The following CTNND2 variants were observed in gnomAD, a reference collection of about 807,000 sequenced individuals.
CTNND2 encodes the protein catenin delta 2, also known as catenin delta-2.
In CTNND2, 22 loss-of-function variants were observed where a neutral mutation model predicts 144.4. That is an observed-to-expected ratio of 0.15 (90% CI 0.11 to 0.22). The LOEUF (loss-of-function observed/expected upper bound fraction) is 0.22, where lower values mean the gene tolerates loss of function less well. CTNND2 is among the 10% of genes least tolerant of loss of function. CTNND2 has a pLI of 1.00. For synonymous variants in CTNND2, 751 were observed against 695.6 expected, an observed-to-expected ratio of 1.08 and a Z score of -1.25; for missense variants, 1,353 against 1,618.8, an observed-to-expected ratio of 0.84 and a Z score of 2.82.
At chr5:11,315,138 G>T (rs114598651) in intron 9 of CTNND2, among the ~76,000 whole-genome samples, 14 of 152,154 alleles carry the variant, frequency 9.2e-5, no homozygotes, top group African/African-American at 3.4e-4. Context: ...AGTAGCAGAG[G>T]GTTCACCAGG....
rs181259259 is a variant in CTNND2, at chr5:11,568,736, T to C, written c.175-3680A>G. ...GTAAATGGAAAGATGACATTATCCA[T>C]CTCTAACACAGTTTGGGGTTTGAGG... On this transcript the variant is annotated intron_variant, in intron 2 of 21. Coordinates refer to ENST00000304623, the MANE Select transcript of CTNND2 (RefSeq NM_001332.4). Among the ~76,000 whole-genome samples the C allele has an allele frequency of 2.8e-3, 429 of 152,278 alleles. 7 individuals carry two copies. Among genetic ancestry groups the C allele is most frequent in the Non-Finnish European group, 5.0e-4 (34 of 68,016 alleles).
chr5:10,987,014 G>A (rs1338335976), intron 20 of CTNND2, among the ~76,000 whole-genome samples: 3 of 152,268 alleles, frequency 2.0e-5, no homozygotes, highest in Middle Eastern at 3.4e-3. Flanking sequence ...CGCCCTTTGC[G>A]CCCCAGCTTT....
intron 1 of CTNND2, among the ~76,000 whole-genome samples, chr5:11,878,638 A>T (rs1372562923): frequency 6.6e-6 from 1 of 152,136 alleles, no homozygotes; most frequent in African/African-American, 2.4e-5. Flanking sequence ...GCAGTGTAAG[A>T]TCCACTGACC....
chr5:11,431,712 C>A (rs1159578866), intron 3 of CTNND2, among the ~76,000 whole-genome samples: 3 of 152,126 alleles, frequency 2.0e-5, no homozygotes, highest in African/African-American at 7.2e-5. Context: ...TTCCTCTGAG[C>A]CCTGCCCCTA....
At position 11,376,698 on chromosome 5, in the gene CTNND2, G is replaced by T. The variant is rs900354793; in HGVS notation, c.1177+7967C>A. 3.3e-5 allele frequency among the ~76,000 whole-genome samples: 5 copies of T among 152,306 alleles called. 1 individual carries two copies. Among genetic ancestry groups the T allele is most frequent in the East Asian group, 3.9e-4 (2 of 5,180 alleles). On this transcript the variant is annotated intron_variant, in intron 7 of 21. Transcript: ENST00000304623. ...CAGCATCTATAACAGAAGTCTAGAA[G>T]TTTCTTCAAGAGAACACCTCTCAGA...
intron 7 of CTNND2, among the ~76,000 whole-genome samples, chr5:11,373,218 G>T (rs1757620309): frequency 6.6e-6 from 1 of 152,208 alleles, no homozygotes. Context: ...GTCACTTCTA[G>T]TGGGGAAAGA....
At chr5:11,541,750 C>T (rs563836825) in intron 3 of CTNND2, among the ~76,000 whole-genome samples, 2 of 151,978 alleles carry the variant, frequency 1.3e-5, no homozygotes, top group African/African-American at 4.8e-5. Flanking sequence ...AATCCAAATG[C>T]ATATCAGACC....
chr5:11,102,317 A>C (rs1751981089), intron 14 of CTNND2, among the ~76,000 whole-genome samples: 1 of 152,060 alleles, frequency 6.6e-6, no homozygotes, highest in Non-Finnish European at 1.5e-5. Flanking sequence ...GTAATACTGA[A>C]CCTCCTCTTA....
At position 11,747,100 on chromosome 5, in the gene CTNND2, T is replaced by C. The variant is rs531280009; in HGVS notation, c.38-14828A>G. Among the ~76,000 whole-genome samples the C allele has an allele frequency of 5.3e-5, 8 of 152,292 alleles. No homozygotes were observed. In the East Asian group the frequency reaches 9.6e-4, roughly 18 times the overall value. ...TAATCATAATAAGTTCTAGGGTTCA[T>C]CTCTACTACAAATTAGATAGTGACA... On this transcript the variant is annotated intron_variant, in intron 1 of 21. Coordinates refer to ENST00000304623, the MANE Select transcript of CTNND2 (RefSeq NM_001332.4).
Position 11,824,282 on chromosome 5 carries a change from C to T in CTNND2, c.37+79535G>A, listed in dbSNP as rs867359553. Among the ~76,000 whole-genome samples the T allele has an allele frequency of 5.3e-5, 8 of 152,132 alleles. No homozygotes were observed. In the South Asian group the frequency reaches 1.2e-3, roughly 24 times the overall value. On this transcript the variant is annotated intron_variant, in intron 1 of 21. Transcript: ENST00000304623. ...CATTTTATAAACATCCATAGTATTACGTCAAAAATTCAATCAACAAGTGTA... is the reference window on the plus strand; with the variant it reads ...CATTTTATAAACATCCATAGTATTATGTCAAAAATTCAATCAACAAGTGTA...
chr5:11,534,189 T>C (rs182607179), intron 3 of CTNND2, among the ~76,000 whole-genome samples: 7 of 152,262 alleles, frequency 4.6e-5, no homozygotes, highest in East Asian at 1.9e-4. Flanking sequence ...TGCAGAAAAA[T>C]TGAAAACCCC....
chr5:11,677,668 G>C (rs1784236832), intron 2 of CTNND2, among the ~76,000 whole-genome samples: 2 of 152,124 alleles, frequency 1.3e-5, no homozygotes, highest in South Asian at 4.1e-4. Flanking sequence ...GAGTTAAAAA[G>C]GGTACACAAT....
intron 11 of CTNND2, among the ~76,000 whole-genome samples, chr5:11,178,496 G>A (rs1463883005): frequency 6.6e-6 from 1 of 152,178 alleles, no homozygotes; most frequent in Admixed American, 6.5e-5. Flanking sequence ...GGTTAATGTA[G>A]GTGATAGAGA....
At chr5:11,095,639 A>C (rs896281709) in intron 15 of CTNND2, among the ~76,000 whole-genome samples, 1 of 152,228 alleles carries the variant, frequency 6.6e-6, no homozygotes, top group African/African-American at 2.4e-5. Context: ...GTACAGACTA[A>C]ATTCTCTTCT....
At chr5:11,121,792 T>C (rs1420240970) in intron 12 of CTNND2, among the ~76,000 whole-genome samples, 1 of 152,174 alleles carries the variant, frequency 6.6e-6, no homozygotes, top group African/African-American at 2.4e-5. Context: ...GTGTCTCTGC[T>C]TCAGATGGCC....
chr5:11,820,289 C>T (rs1279339229), intron 1 of CTNND2, among the ~76,000 whole-genome samples: 1 of 152,172 alleles, frequency 6.6e-6, no homozygotes, highest in Non-Finnish European at 1.5e-5. Context: ...AACTTGAGAT[C>T]CAAGGCTGCC....
chr5:11,557,255 T>C (rs1776304434), intron 3 of CTNND2, among the ~76,000 whole-genome samples: 1 of 152,218 alleles, frequency 6.6e-6, no homozygotes, highest in South Asian at 2.1e-4. Context: ...ATAAGTTTTG[T>C]CAAGTCAGAC....
intron 3 of CTNND2, among the ~76,000 whole-genome samples, chr5:11,503,679 C>T (rs534126300): frequency 1.6e-4 from 25 of 152,194 alleles, no homozygotes; most frequent in Non-Finnish European, 3.7e-4. Flanking sequence ...TTCACTCAAA[C>T]TCCAGAGTGA....
chr5:11,280,215 A>G (rs1249527632), intron 9 of CTNND2, among the ~76,000 whole-genome samples: 1 of 152,244 alleles, frequency 6.6e-6, no homozygotes, highest in Non-Finnish European at 1.5e-5. Context: ...ATTTTAACTC[A>G]AATGAACAGA....
Sources: allele counts gnomAD v4.1 joint callset (sites outside exome capture counted in the v4.1 genomes callset), GRCh38; gene constraint gnomAD v4.1.1; transcripts MANE v1.5; gene names NCBI Gene and HGNC (gene_info 2026-07-23, HGNC 2026-07-21).